The following WDR97 variants were observed in gnomAD, a reference collection of about 807,000 sequenced individuals.
WDR97 encodes WD repeat domain 97.
A neutral mutation model predicts 65.4 loss-of-function variants in WDR97; 111 were observed. The observed-to-expected ratio is 1.70, with a 90% confidence interval of 1.45 to 1.99. The LOEUF (loss-of-function observed/expected upper bound fraction) is 1.99. WDR97 is among the 30% of genes most tolerant of loss of function. The probability of loss-of-function intolerance (pLI) is 0.00; values close to 1 mark genes in which losing one functional copy is unlikely to be tolerated. For synonymous variants in WDR97, 802 were observed against 397.7 expected, an observed-to-expected ratio of 2.02 and a Z score of -12.10; for missense variants, 1,674 against 865.0, an observed-to-expected ratio of 1.94 and a Z score of -11.73.
intron 21 of WDR97, among the ~76,000 whole-genome samples, 198 bp downstream of exon 21, chr8:144,115,109 G>A (rs771549564): frequency 4.0e-5 from 6 of 150,882 alleles, no homozygotes; most frequent in African/African-American, 7.4e-5. Flanking sequence ...TGTCTGGCCC[G>A]AACCAGGGAC....
In WDR97 at chr8:144,108,639, G is replaced by A. The variant is rs1382764960; in HGVS notation, c.573G>A (p.Val191=). ...TGCTGTGGCTGAGCGAGCAGGGGGT[G>A]GGCAGGGCCCCGGGTTGGGCGCCCA... The part of the protein sequence containing the change: ...LSLLWLSEQG[V]GRAPGWAPTC... The change falls in exon 3 of 24, where the codon GTG becomes GTA. Residue 191 remains valine (V), a synonymous_variant. Coordinates refer to ENST00000323662, the MANE Select transcript of WDR97 (RefSeq NM_001316309.2). 1 of 700,484 alleles carries A rather than the reference G, an allele frequency of 1.4e-6. No homozygotes were observed. The highest frequency in any genetic ancestry group is 1.5e-5 in the South Asian group (1 of 67,484). The allele number at this position is 700,484 out of a possible 1,614,324, so 43.4% of individuals were successfully genotyped here.
At chr8:144,109,218 C>T (rs773289223) in intron 4 of WDR97, 48 bp downstream of exon 4, 39 of 702,250 alleles carry the variant, frequency 5.6e-5, no homozygotes, top group Non-Finnish European at 8.8e-5. Context: ...TGCCTCCAGC[C>T]GCTCTAGGCT....
chr8:144,110,306 T>A (rs998600809), intron 6 of WDR97, 35 bp from the exon 7 acceptor site: 2 of 701,956 alleles, frequency 2.8e-6, no homozygotes, highest in African/African-American at 3.5e-5. Context: ...CCCCCTCCCC[T>A]CCGACAAGGC....
chr8:144,109,821 G>A lies in WDR97; in HGVS notation c.1487G>A (p.Gly496Glu), dbSNP rs1425946080. The A allele has an allele frequency of 7.3e-6, 5 of 684,890 alleles. No individual in the cohort carries two copies. Among genetic ancestry groups the A allele is most frequent in the South Asian group, 1.5e-5 (1 of 65,526 alleles). The allele number at this position is 684,890 out of a possible 1,614,324, so 42.4% of individuals were successfully genotyped here. A position where few individuals can be genotyped will look rare whatever the true frequency, so the allele number is the denominator to read the frequency against. ...REALWLLTRAGHLVRANAARC... is the reference protein window; with the variant it reads ...REALWLLTRAEHLVRANAARC... Reference sequence around the variant, plus strand: ...GCGCTGTGGCTGCTGACCAGGGCTGGGCACCTGGTCCGCGCCAACGCGGCG... The same window carrying A: ...GCGCTGTGGCTGCTGACCAGGGCTGAGCACCTGGTCCGCGCCAACGCGGCG... Residue 496 changes from glycine to glutamate, a missense_variant, in exon 5 of 24, where the codon GGG becomes GAG. Coordinates refer to ENST00000323662, the MANE Select transcript of WDR97 (RefSeq NM_001316309.2).
At position 144,111,616 on chromosome 8, in the gene WDR97, C is replaced by G. The variant is rs867302067; in HGVS notation, c.2488-16C>G. 1 of 681,702 alleles carries G rather than the reference C, an allele frequency of 1.5e-6. No individual in the cohort carries two copies. Among genetic ancestry groups the G allele is most frequent in the Middle Eastern group, 2.5e-4 (1 of 3,938 alleles). The allele number at this position is 681,702 out of a possible 1,614,324, so 42.2% of individuals were successfully genotyped here. A position where few individuals can be genotyped will look rare whatever the true frequency, so the allele number is the denominator to read the frequency against. On this transcript the variant is annotated splice_polypyrimidine_tract_variant and intron_variant, in intron 11 of 23. Transcript: ENST00000323662. ...GGCTCAAGGAAGAGCAGGCTGATCC[C>G]TGAACCCTGACTCAGGACTTGGACG...
chr8:144,111,904 G>C lies in WDR97; in HGVS notation c.2655G>C (p.Arg885Ser). The stretch of plus-strand genomic sequence containing the variant: ...CCTCCCAGGGCATGCAGTCTGGAAG[G>C]GGGTCCCAGCAGTGGAGTGCCGGGA... ...GSGLLGMQSG[R>S]GSQQWSAGTL... The change falls in exon 13 of 24, where the codon AGG becomes AGC. Residue 885 changes from arginine (R) to serine (S), a missense_variant. Transcript: ENST00000323662. The C allele has an allele frequency of 1.4e-6, 1 of 702,476 alleles. No homozygotes were observed. The highest frequency in any genetic ancestry group is 2.6e-6 in the Non-Finnish European group (1 of 384,884). 43.5% of individuals were successfully genotyped at this position (702,476 alleles called of 1,614,324 possible). A position where few individuals can be genotyped will look rare whatever the true frequency, so the allele number is the denominator to read the frequency against.
rs921469299 is a variant in WDR97 at position 144,108,543 on chromosome 8, G to T, written c.477G>T (p.Pro159=). The change falls in exon 3 of 24, where the codon CCG becomes CCT. Residue 159 remains proline (P), a synonymous_variant. Coordinates refer to ENST00000323662, the MANE Select transcript of WDR97 (RefSeq NM_001316309.2). ...RLTGLVTVLG[P]LGAVGRFVGW... is the part of the protein sequence containing the mutation. The stretch of plus-strand genomic sequence containing the variant: ...CGGGGCTGGTGACCGTGCTGGGCCC[G>T]CTGGGTGCCGTGGGCCGTTTTGTAG... 6.1e-5 allele frequency: 43 copies of T among 700,852 alleles called. No homozygotes were observed. The highest frequency in any genetic ancestry group is 1.1e-4 in the Non-Finnish European group (42 of 384,454). The allele number at this position is 700,852 out of a possible 1,614,324, so 43.4% of individuals were successfully genotyped here. A position where few individuals can be genotyped will look rare whatever the true frequency, so the allele number is the denominator to read the frequency against.
In WDR97 at chr8:144,111,649, G is replaced by A; in HGVS notation, c.2505G>A (p.Val835=). Residue 835 remains valine (V), a synonymous_variant, in exon 12 of 24, where the codon GTG becomes GTA. Transcript: ENST00000323662. ...LVPKEDLDAI[V]ARDRDLQQLR... ...TGACTCAGGACTTGGACGCCATAGT[G>A]GCCCGGGACCGAGACCTTCAGCAGT... The A allele has an allele frequency of 1.4e-6, 1 of 694,116 alleles. No individual in the cohort carries two copies. Among genetic ancestry groups the A allele is most frequent in the Non-Finnish European group, 2.6e-6 (1 of 379,878 alleles). The allele number at this position is 694,116 out of a possible 1,614,324, so 43.0% of individuals were successfully genotyped here. A position where few individuals can be genotyped will look rare whatever the true frequency, so the allele number is the denominator to read the frequency against.
At chr8:144,111,565 A>G (rs758476120) in intron 11 of WDR97, 67 bp from the exon 12 acceptor site, 2 of 684,616 alleles carry the variant, frequency 2.9e-6, no homozygotes, top group East Asian at 2.7e-5. Context: ...TGGGATCCCC[A>G]TGGTTGCCCG....
chr8:144,110,406 C>G lies in WDR97; in HGVS notation c.1909C>G (p.Arg637Gly). The G allele has an allele frequency of 1.4e-6, 1 of 703,022 alleles. No individual in the cohort carries two copies. Among genetic ancestry groups the G allele is most frequent in the South Asian group, 1.5e-5 (1 of 67,610 alleles). 43.5% of individuals were successfully genotyped at this position (703,022 alleles called of 1,614,324 possible). The stretch of plus-strand genomic sequence containing the variant: ...TGCCGAAGAGAGCCTGAGCCTGCTG[C>G]GCACCTTCTCCTGCTGCTACCCGGC... The part of the protein sequence containing the change: ...PYAEESLSLL[R>G]TFSCCYPAVA... The change falls in exon 7 of 24, where the codon CGC becomes GGC. Residue 637 changes from arginine to glycine, a missense_variant. Transcript: ENST00000323662.
intron 15 of WDR97, chr8:144,112,983 CT>C: frequency 3.3e-6 from 1 of 300,900 alleles, no homozygotes; most frequent in South Asian, 5.2e-5. Flanking sequence ...GCCTCAGCCC[CT>C]CCCCCAGCAT....
chr8:144,112,313 G>A lies in WDR97; in HGVS notation c.2985G>A (p.Met995Ile), dbSNP rs958044436. 4 of 702,760 alleles carry A rather than the reference G, an allele frequency of 5.7e-6. No individual in the cohort carries two copies. The Admixed American group carries it at 8.0e-5, about 14-fold the overall frequency. 43.5% of individuals were successfully genotyped at this position (702,760 alleles called of 1,614,324 possible). The change falls in exon 14 of 24, where the codon ATG (methionine) becomes ATA (isoleucine). Residue 995 changes from methionine to isoleucine, a missense_variant. Physicochemically the swap from Met to Ile is conservative, Grantham distance 10. Coordinates refer to ENST00000323662, the MANE Select transcript of WDR97 (RefSeq NM_001316309.2). ...QLEQLRGRTTMALDLPSSHLQ... is the reference protein window; with the variant it reads ...QLEQLRGRTTIALDLPSSHLQ... Reference sequence around the variant, plus strand: ...AGCAGCTCCGAGGGAGGACGACCATGGCCCTGGACCTGCCATCCTCCCACT... The same window carrying A: ...AGCAGCTCCGAGGGAGGACGACCATAGCCCTGGACCTGCCATCCTCCCACT...
Position 144,111,645 on chromosome 8 carries a change from T to G in WDR97, c.2501T>G (p.Ile834Arg), listed in dbSNP as rs573911689. The G allele has an allele frequency of 7.2e-6, 5 of 692,300 alleles. No individual in the cohort carries two copies. The highest frequency in any genetic ancestry group is 5.3e-5 in the African/African-American group (3 of 57,048). 42.9% of individuals were successfully genotyped at this position (692,300 alleles called of 1,614,324 possible). Residue 834 changes from isoleucine (I) to arginine (R), a missense_variant, in exon 12 of 24, where the codon ATA (isoleucine) becomes AGA (arginine). Physicochemically the swap from Ile to Arg is moderately conservative, Grantham distance 97. Coordinates refer to ENST00000323662, the MANE Select transcript of WDR97 (RefSeq NM_001316309.2). ...HLVPKEDLDA[I>R]VARDRDLQQL... ...ACCCTGACTCAGGACTTGGACGCCATAGTGGCCCGGGACCGAGACCTTCAG... is the reference window on the plus strand; with the variant it reads ...ACCCTGACTCAGGACTTGGACGCCAGAGTGGCCCGGGACCGAGACCTTCAG...
At chr8:144,115,905 T>A (rs995507343) in intron 22 of WDR97, 38 bp from the exon 23 acceptor site, 3 of 700,050 alleles carry the variant, frequency 4.3e-6, no homozygotes, top group Non-Finnish European at 7.8e-6. Context: ...CAGCCAAGCG[T>A]GGGGCTGGGC....
At chr8:144,111,344 G>A (rs1587625764) in intron 10 of WDR97, 82 bp from the exon 11 acceptor site, 2 of 702,764 alleles carry the variant, frequency 2.8e-6, no homozygotes, top group East Asian at 5.4e-5. Context: ...ACACCCGTTT[G>A]GGGTTGGTCC....
chr8:144,112,142 C>G lies in WDR97; in HGVS notation c.2893C>G (p.Gln965Glu), dbSNP rs77866076. Residue 965 changes from glutamine to glutamate, a missense_variant and splice_region_variant, in exon 13 of 24, where the codon CAG (glutamine) becomes GAG (glutamate). Gln to Glu is a conservative substitution (Grantham distance 29). Transcript: ENST00000323662. ...CCGTAGGGTGCACAGCAAGGCATCC[C>G]AGGTGAGGCTTCCCACCCTCCCACA... is the stretch of plus-strand genomic sequence containing the variant. ...THRRVHSKAS[Q>E]LLARSSLSHY... The G allele has an allele frequency of 1.1e-3, 741 of 701,762 alleles. 17 individuals are homozygous for G. The East Asian group carries it at 0.013, about 12-fold the overall frequency. 43.5% of individuals were successfully genotyped at this position (701,762 alleles called of 1,614,324 possible).
intron 23 of WDR97, 30 bp from the exon 24 acceptor site, chr8:144,116,061 C>G (rs1420764565): frequency 7.2e-6 from 5 of 691,050 alleles, no homozygotes; most frequent in Non-Finnish European, 1.3e-5. Context: ...CCCCAGCCCC[C>G]GGGCCTCATA....
In WDR97 at chr8:144,108,325, G is replaced by A. The variant is rs1475211630; in HGVS notation, c.259G>A (p.Ala87Thr). 1.3e-5 allele frequency: 9 copies of A among 693,410 alleles called. No homozygotes were observed. In the East Asian group the frequency reaches 2.4e-4, roughly 19 times the overall value. The allele number at this position is 693,410 out of a possible 1,614,324, so 43.0% of individuals were successfully genotyped here. A position where few individuals can be genotyped will look rare whatever the true frequency, so the allele number is the denominator to read the frequency against. ...LHEVVEKEKR[A>T]ELRAARLTHG... is the part of the protein sequence containing the mutation. ...CCACCCCGGCCCACAGGAGAAGAGAGCCGAGCTGCGCGCGGCGCGCCTGAC... is the reference window on the plus strand; with the variant it reads ...CCACCCCGGCCCACAGGAGAAGAGAACCGAGCTGCGCGCGGCGCGCCTGAC... Residue 87 changes from alanine (A) to threonine (T), a missense_variant, in exon 3 of 24, where the codon GCC (alanine) becomes ACC (threonine). Ala to Thr is a moderately conservative substitution (Grantham distance 58). Transcript: ENST00000323662.
At chr8:144,115,310 T>C (rs1173758548) in intron 21 of WDR97, 31 bp from the exon 22 acceptor site, 2 of 587,786 alleles carry the variant, frequency 3.4e-6, no homozygotes, top group East Asian at 5.8e-5. Flanking sequence ...CCAAGGTCTC[T>C]AAGACCTTAG....
Sources: gnomAD v4.1 joint callset for allele counts (sites outside exome capture counted in the v4.1 genomes callset) on GRCh38, gnomAD v4.1.1 for gene constraint, MANE v1.5 for transcripts, NCBI Gene and HGNC (gene_info 2026-07-23, HGNC 2026-07-21) for gene names.